Variants in GMDS observed in about 807,000 individuals in gnomAD.
GMDS encodes GDP-mannose 4,6-dehydratase, also known as GDP-mannose 4,6 dehydratase.
Under a neutral mutation model 49.9 loss-of-function variants are expected in GMDS, and 20 were observed. The ratio of observed to expected loss-of-function variants is 0.40; its 90% CI spans 0.28 to 0.58. The LOEUF (loss-of-function observed/expected upper bound fraction) is 0.58, where lower values mean the gene tolerates loss of function less well. GMDS is among the 20% of genes least tolerant of loss of function. The pLI is 0.42. For synonymous variants in GMDS, 177 were observed against 178.6 expected (o/e 0.99, Z 0.07); for missense variants, 362 against 481.4 (o/e 0.75, Z 2.32).
At chr6:1,843,985 G>C (rs1757269216) in intron 7 of GMDS, among the ~76,000 whole-genome samples, 1 of 152,170 alleles carries the variant, frequency 6.6e-6, no homozygotes, top group South Asian at 2.1e-4. Context: ...CTCGCCCTCA[G>C]CATCTCTCTT....
chr6:2,047,687 C>T (rs559918965), intron 4 of GMDS, among the ~76,000 whole-genome samples: 9 of 152,088 alleles, frequency 5.9e-5, no homozygotes, highest in Non-Finnish European at 1.2e-4. Context: ...TGGGGTCTCG[C>T]CATGTTAGCC....
At position 1,808,607 on chromosome 6, in the gene GMDS, TAATCCTAGGTGCCAGGTAC is replaced by T. The variant is rs1770279168; in HGVS notation, c.772-66040_772-66022del. Among the ~76,000 whole-genome samples the T allele has an allele frequency of 3.3e-5, 5 of 152,208 alleles. No individual in the cohort carries two copies. In the South Asian group the frequency reaches 1.0e-3, roughly 31 times the overall value. On this transcript the variant is annotated intron_variant, in intron 7 of 10. Transcript: ENST00000380815. ...AGTTTAGTACAGAACTGAATTTCTC[TAATCCTAGGTGCCAGGTAC>T]ATACATACAATGGTTACATCAAAGG...
At chr6:2,193,240 G>A (rs1480898681) in intron 1 of GMDS, among the ~76,000 whole-genome samples, 3 of 152,214 alleles carry the variant, frequency 2.0e-5, no homozygotes, top group Admixed American at 2.0e-4. Context: ...ATAATTGTCT[G>A]AGCGTAAAAC....
Position 2,052,678 on chromosome 6 carries a change from T to C in GMDS, c.345+63093A>G, listed in dbSNP as rs113785817. On this transcript the variant is annotated intron_variant, in intron 4 of 10. Transcript: ENST00000380815. ...AGACCAAGAGCATAGATTATTATGGTTGCAAGACAATTGTAAGAATTCTCT... is the reference window on the plus strand; with the variant it reads ...AGACCAAGAGCATAGATTATTATGGCTGCAAGACAATTGTAAGAATTCTCT... Among the ~76,000 whole-genome samples, 21 of 152,322 alleles carry C rather than the reference T, an allele frequency of 1.4e-4. 1 individual carries two copies. Among genetic ancestry groups the C allele is most frequent in the African/African-American group, 4.8e-4 (20 of 41,568 alleles).
chr6:1,931,660 T>C (rs1313478480), intron 6 of GMDS, among the ~76,000 whole-genome samples: 1 of 152,192 alleles, frequency 6.6e-6, no homozygotes, highest in Non-Finnish European at 1.5e-5. Flanking sequence ...AGAATTAAAT[T>C]TAGGTTTTTT....
chr6:1,737,610 C>T (rs1767053720), intron 8 of GMDS, among the ~76,000 whole-genome samples: 1 of 140,876 alleles, frequency 7.1e-6, no homozygotes, highest in South Asian at 2.3e-4. Flanking sequence ...CCACACACAC[C>T]ACAAACACAC....
chr6:1,795,320 T>C (rs1489186206), intron 7 of GMDS, among the ~76,000 whole-genome samples: 1 of 152,160 alleles, frequency 6.6e-6, no homozygotes, highest in Admixed American at 6.5e-5. Context: ...CCCAGTTATA[T>C]CTAAAACCCA....
intron 7 of GMDS, among the ~76,000 whole-genome samples, chr6:1,916,415 C>T (rs1042834336): frequency 2.6e-5 from 4 of 151,836 alleles, no homozygotes; most frequent in African/African-American, 9.7e-5. Context: ...GTATTCCTAC[C>T]CCACAATCTG....
At chr6:1,708,689 A>G (rs771402580) in intron 9 of GMDS, among the ~76,000 whole-genome samples, 1 of 152,230 alleles carries the variant, frequency 6.6e-6, no homozygotes, top group Non-Finnish European at 1.5e-5. Flanking sequence ...TAAGAACTCC[A>G]AGGGCACATG....
intron 1 of GMDS, among the ~76,000 whole-genome samples, chr6:2,230,088 T>C (rs1781015481): frequency 1.3e-5 from 2 of 151,862 alleles, no homozygotes; most frequent in African/African-American, 4.9e-5. Context: ...GCGAGACTCC[T>C]CTGAAGACCC....
intron 4 of GMDS, among the ~76,000 whole-genome samples, chr6:2,095,907 G>T (rs1321803673): frequency 1.3e-5 from 2 of 152,130 alleles, no homozygotes; most frequent in Non-Finnish European, 2.9e-5. Context: ...GGGGGAGAGA[G>T]GTTTGACCTC....
chr6:1,667,357 C>T (rs571730224), intron 9 of GMDS, among the ~76,000 whole-genome samples: 2 of 152,332 alleles, frequency 1.3e-5, no homozygotes, highest in East Asian at 3.9e-4. Context: ...TCTTTATAAA[C>T]CCATGCTGAA....
At chr6:1,927,039 A>G (rs1762042053) in intron 7 of GMDS, among the ~76,000 whole-genome samples, 1 of 104,760 alleles carries the variant, frequency 9.5e-6, no homozygotes, top group African/African-American at 3.1e-5. Context: ...TTTTATTCAG[A>G]GGGTAGCGTG....
chr6:2,197,366 T>C (rs1329767546), intron 1 of GMDS, among the ~76,000 whole-genome samples: 1 of 152,174 alleles, frequency 6.6e-6, no homozygotes, highest in African/African-American at 2.4e-5. Context: ...TAGATGCTAT[T>C]AAAAGACTAG....
At chr6:2,041,188 C>A (rs1192584266) in intron 4 of GMDS, among the ~76,000 whole-genome samples, 2 of 152,074 alleles carry the variant, frequency 1.3e-5, no homozygotes, top group Non-Finnish European at 2.9e-5. Context: ...CAAAAATGCA[C>A]ATATGCCGAC....
intron 1 of GMDS, among the ~76,000 whole-genome samples, chr6:2,234,998 G>A (rs779350257): frequency 3.9e-5 from 6 of 152,164 alleles, no homozygotes; most frequent in Non-Finnish European, 8.8e-5. Flanking sequence ...GGTGGCACAT[G>A]CCTGTAATCC....
In GMDS at chr6:1,766,064, G is replaced by A. The variant is rs144733255; in HGVS notation, c.772-23478C>T. Among the ~76,000 whole-genome samples, 411 of 152,234 alleles carry A rather than the reference G, an allele frequency of 2.7e-3. 1 individual carries two copies. Among genetic ancestry groups the A allele is most frequent in the Middle Eastern group, 6.8e-3 (2 of 294 alleles). On this transcript the variant is annotated intron_variant, in intron 7 of 10. Transcript: ENST00000380815. The surrounding 1 kb of genome is among the most constrained non-coding windows in gnomAD (Gnocchi z 4.5). ...CGTCCTCTCTCCCAGTGGGCAGAGCGGCTGCACTATATGAAAACGACACAT... is the reference window on the plus strand; with the variant it reads ...CGTCCTCTCTCCCAGTGGGCAGAGCAGCTGCACTATATGAAAACGACACAT...
At position 2,224,093 on chromosome 6, in the gene GMDS, C is replaced by G. The variant is rs369061701; in HGVS notation, c.102+21228G>C. On this transcript the variant is annotated intron_variant, in intron 1 of 10. Transcript: ENST00000380815. The stretch of plus-strand genomic sequence containing the variant: ...AAGGACTGAAGTTGCAGGGTTTAGC[C>G]GTGAAAGGTAATTTAGAAGATCTTA... 2.6e-5 allele frequency among the ~76,000 whole-genome samples: 4 copies of G among 152,066 alleles called. No individual in the cohort carries two copies. The South Asian group carries it at 8.3e-4, about 32-fold the overall frequency.
intron 4 of GMDS, among the ~76,000 whole-genome samples, chr6:2,092,285 A>G (rs1773363166): frequency 6.6e-6 from 1 of 152,084 alleles, no homozygotes; most frequent in African/African-American, 2.4e-5. Context: ...TGTTCCCTGA[A>G]CCAGTCCCCT....
Sources: gnomAD v4.1 joint callset for allele counts (sites outside exome capture counted in the v4.1 genomes callset) on GRCh38, gnomAD v4.1.1 for gene constraint, Gnocchi (gnomAD v3.1) non-coding constraint, MANE v1.5 for transcripts, NCBI Gene and HGNC (gene_info 2026-07-23, HGNC 2026-07-21) for gene names.